The following ARL3 variants were observed in gnomAD, a reference collection of about 807,000 sequenced individuals.
ARL3 encodes ARF like GTPase 3.
Under a neutral mutation model 26.0 loss-of-function variants are expected in ARL3, and 9 were observed. The observed-to-expected ratio is 0.35, with a 90% CI of 0.21 to 0.60. ARL3 has a LOEUF of 0.60. Among genes scored for constraint, ARL3 ranks in the 20% least tolerant of loss-of-function variants. ARL3 has a pLI of 0.78. For synonymous variants in ARL3, 71 were observed against 78.4 expected, an observed-to-expected ratio of 0.91 and a Z score of 0.50; for missense variants, 158 against 215.7, an observed-to-expected ratio of 0.73 and a Z score of 1.67.
In ARL3 at chr10:102,696,010, C is replaced by CTGGA. The variant is rs1309807402; in HGVS notation, c.264+3359_264+3362dup. 2.6e-5 allele frequency among the ~76,000 whole-genome samples: 4 copies of CTGGA among 152,086 alleles called. No individual in the cohort carries two copies. In the East Asian group the frequency reaches 7.7e-4, roughly 29 times the overall value. On this transcript the variant is annotated intron_variant, in intron 3 of 5. Coordinates refer to ENST00000260746, the MANE Select transcript of ARL3 (RefSeq NM_004311.4). ...ACAGAGTCTCACTCTGTCACCCAGG[C>CTGGA]TGGAGTGCAGTGGTGCAATCTTGGC... is the stretch of plus-strand genomic sequence containing the variant.
chr10:102,706,419 C>T (rs1034551191), intron 1 of ARL3, among the ~76,000 whole-genome samples: 1 of 151,950 alleles, frequency 6.6e-6, no homozygotes, highest in African/African-American at 2.4e-5. Context: ...ACACTGCACT[C>T]CAGCCTGGGT....
chr10:102,691,391 C>T (rs1028127167), intron 3 of ARL3, among the ~76,000 whole-genome samples: 2 of 150,546 alleles, frequency 1.3e-5, no homozygotes, highest in African/African-American at 4.9e-5. Flanking sequence ...TTTGTTCTTG[C>T]GACAGTTTAC....
intron 5 of ARL3, among the ~76,000 whole-genome samples, chr10:102,683,156 G>A (rs1226518978): frequency 1.3e-5 from 2 of 152,162 alleles, no homozygotes; most frequent in Non-Finnish European, 2.9e-5. Flanking sequence ...CTGGTGTGTG[G>A]ACAAGAGCTT....
intron 1 of ARL3, among the ~76,000 whole-genome samples, chr10:102,705,955 A>G (rs2064308920): frequency 6.6e-6 from 1 of 152,200 alleles, no homozygotes; most frequent in African/African-American, 2.4e-5. Context: ...ATTAAATAGG[A>G]TGACACACCC....
At chr10:102,702,204 A>G (rs1347625066) in intron 2 of ARL3, among the ~76,000 whole-genome samples, 16 of 151,962 alleles carry the variant, frequency 1.1e-4, no homozygotes, top group Admixed American at 8.5e-4. Flanking sequence ...AAAAAAATCT[A>G]TATCTAGATA....
At chr10:102,711,350 A>G (rs10786702) in intron 1 of ARL3, among the ~76,000 whole-genome samples, 2 of 147,856 alleles carry the variant, frequency 1.4e-5, no homozygotes, top group African/African-American at 5.0e-5. Context: ...ATATATATAT[A>G]TATGTATGTA....
At chr10:102,689,563 G>A (rs952584130) in intron 4 of ARL3, among the ~76,000 whole-genome samples, 1 of 152,130 alleles carries the variant, frequency 6.6e-6, no homozygotes, top group Non-Finnish European at 1.5e-5. Context: ...TGGGCGTGGT[G>A]GCTCACGCCT....
intron 3 of ARL3, among the ~76,000 whole-genome samples, chr10:102,696,932 T>C (rs1441771459): frequency 6.6e-6 from 1 of 152,216 alleles, no homozygotes; most frequent in Non-Finnish European, 1.5e-5. Flanking sequence ...AAATGCATTA[T>C]TAGGCAATTC....
At chr10:102,698,109 A>G (rs1295591625) in intron 3 of ARL3, among the ~76,000 whole-genome samples, 2 of 152,114 alleles carry the variant, frequency 1.3e-5, no homozygotes, top group Non-Finnish European at 2.9e-5. Context: ...AAGCTACAGG[A>G]TATGTTTATG....
intron 2 of ARL3, among the ~76,000 whole-genome samples, chr10:102,699,843 T>C (rs1342816804): frequency 6.6e-6 from 1 of 152,108 alleles, no homozygotes; most frequent in Non-Finnish European, 1.5e-5. Context: ...TAACAGGACA[T>C]TTCATGTAAC....
chr10:102,682,968 G>A (rs561276920), intron 5 of ARL3, among the ~76,000 whole-genome samples: 29 of 152,246 alleles, frequency 1.9e-4, no homozygotes, highest in Non-Finnish European at 3.7e-4. Context: ...CAGTTTTCAC[G>A]TTTGAAAGTG....
chr10:102,680,622 G>C (rs978995575), intron 5 of ARL3, among the ~76,000 whole-genome samples: 10 of 152,210 alleles, frequency 6.6e-5, no homozygotes, highest in Non-Finnish European at 1.3e-4. Context: ...CAAGGGAAGA[G>C]TGGTCTCTGA....
At chr10:102,694,006 G>T (rs1460097013) in intron 3 of ARL3, among the ~76,000 whole-genome samples, 3 of 151,764 alleles carry the variant, frequency 2.0e-5, no homozygotes, top group Non-Finnish European at 4.4e-5. Flanking sequence ...TATTTTTTTT[G>T]AGATGGATTC....
rs1005832957 is a variant in ARL3 at position 102,691,117 on chromosome 10, ATC to A, written c.265-1176_265-1175del. ...TATTTTAGCCTCTGTGGCCCATACA[ATC>A]TCTCTTTTTCTTTTTATTATACTTT... On this transcript the variant is annotated intron_variant, in intron 3 of 5. Coordinates refer to ENST00000260746, the MANE Select transcript of ARL3 (RefSeq NM_004311.4). Among the ~76,000 whole-genome samples the A allele has an allele frequency of 7.6e-4, 116 of 152,050 alleles. 1 individual carries two copies. The highest frequency in any genetic ancestry group is 1.0e-4 in the Non-Finnish European group (7 of 67,968).
At chr10:102,699,713 C>G (rs1025476391) in intron 2 of ARL3, among the ~76,000 whole-genome samples, 4 of 152,178 alleles carry the variant, frequency 2.6e-5, no homozygotes, top group Non-Finnish European at 5.9e-5. Context: ...CAGGCTAACA[C>G]AATGTTTTTC....
chr10:102,686,871 T>A (rs1172942304), intron 4 of ARL3, among the ~76,000 whole-genome samples: 5 of 1,038 alleles, frequency 4.8e-3, no homozygotes, highest in Non-Finnish European at 9.1e-3. Flanking sequence ...ATTTACTTTT[T>A]TTTTTTTTTT....
chr10:102,705,970 T>G (rs1330218359), intron 1 of ARL3, among the ~76,000 whole-genome samples: 1 of 152,172 alleles, frequency 6.6e-6, no homozygotes, highest in Non-Finnish European at 1.5e-5. Context: ...ACACCCAAGT[T>G]AACACACGAT....
intron 5 of ARL3, among the ~76,000 whole-genome samples, chr10:102,683,867 G>A (rs1194145027): frequency 6.6e-6 from 1 of 152,068 alleles, no homozygotes; most frequent in African/African-American, 2.4e-5. Context: ...TCTACCTCCA[G>A]GCTTCTCTGA....
chr10:102,711,330 GTGTGTGTATA>G (rs1234818715), intron 1 of ARL3, among the ~76,000 whole-genome samples: 1 of 38,730 alleles, frequency 2.6e-5, no homozygotes, highest in African/African-American at 1.1e-4. Context: ...GTGTGTGTGT[GTGTGTGTATA>G]TATATATATA....
Sources: gnomAD v4.1 joint callset for allele counts (sites outside exome capture counted in the v4.1 genomes callset) on GRCh38, gnomAD v4.1.1 for gene constraint, MANE v1.5 for transcripts, NCBI Gene and HGNC (gene_info 2026-07-23, HGNC 2026-07-21) for gene names.